Variants in MPPED2 observed in about 807,000 individuals in gnomAD.
MPPED2 encodes the protein metallophosphoesterase domain containing 2.
In MPPED2, 5 loss-of-function variants were observed where a neutral mutation model predicts 33.0. The observed-to-expected ratio is 0.15, with a 90% CI of 0.08 to 0.32. The LOEUF is 0.32. MPPED2 is among the 10% of genes least tolerant of loss of function. The probability of loss-of-function intolerance (pLI) is 1.00; values close to 1 mark genes in which losing one functional copy is unlikely to be tolerated. For missense variants in MPPED2, 275 were observed against 372.1 expected (o/e 0.74, Z 2.15); for synonymous variants, 136 against 141.9 (o/e 0.96, Z 0.29).
At chr11:30,487,203 C>T (rs1246938985) in intron 4 of MPPED2, among the ~76,000 whole-genome samples, 1 of 152,210 alleles carries the variant, frequency 6.6e-6, no homozygotes, top group Non-Finnish European at 1.5e-5. Context: ...AATGAAAGAA[C>T]ACCCAGCAGC....
At chr11:30,472,210 A>G (rs1371723476) in intron 4 of MPPED2, among the ~76,000 whole-genome samples, 2 of 152,052 alleles carry the variant, frequency 1.3e-5, no homozygotes, top group African/African-American at 4.8e-5. Context: ...AAAACTAAAA[A>G]ACCAGCCAGA....
intron 4 of MPPED2, among the ~76,000 whole-genome samples, chr11:30,484,895 T>C (rs1053957942): frequency 3.3e-5 from 5 of 152,218 alleles, no homozygotes; most frequent in African/African-American, 1.2e-4. Flanking sequence ...AGCATTTTCC[T>C]AGACTAAGTT....
At chr11:30,417,661 C>T (rs752430980) in intron 4 of MPPED2, 28 bp from the exon 5 acceptor site, 1 of 1,340,242 alleles carries the variant, frequency 7.5e-7, no homozygotes, top group East Asian at 2.3e-5. Flanking sequence ...CACATGGTAT[C>T]AGGCCAGCAG....
At chr11:30,505,814 T>C (rs2134271379) in intron 3 of MPPED2, among the ~76,000 whole-genome samples, 1 of 151,690 alleles carries the variant, frequency 6.6e-6, no homozygotes, top group Admixed American at 6.6e-5. Context: ...GTGTGGACTT[T>C]GGAGTCAGAC....
Position 30,566,295 on chromosome 11 carries a change from C to T in MPPED2, c.128+13951G>A, listed in dbSNP as rs141049435. Among the ~76,000 whole-genome samples, 596 of 152,222 alleles carry T rather than the reference C, an allele frequency of 3.9e-3. 2 individuals carry two copies. Among genetic ancestry groups the T allele is most frequent in the African/African-American group, 0.012 (485 of 41,542 alleles). ...AAAACAATATACTTTCCGATGCCTC[C>T]ATTTTAAAATTAAAGAACAATATAG... is the stretch of plus-strand genomic sequence containing the variant. On this transcript the variant is annotated intron_variant, in intron 2 of 6. Transcript: ENST00000358117.
intron 2 of MPPED2, among the ~76,000 whole-genome samples, chr11:30,552,869 C>A (rs1014590738): frequency 6.6e-6 from 1 of 152,174 alleles, no homozygotes; most frequent in Non-Finnish European, 1.5e-5. Context: ...AGGTACATCA[C>A]TTTTCACGAT....
Position 30,583,445 on chromosome 11 carries a change from G to A in MPPED2, c.-122+2597C>T, listed in dbSNP as rs117353214. 3.2e-4 allele frequency among the ~76,000 whole-genome samples: 49 copies of A among 152,110 alleles called. No homozygotes were observed. The East Asian group carries it at 7.3e-3, about 23-fold the overall frequency. ...ACTTTCCACAAAACAAAGGAACCCA[G>A]GACGAAATATCAAGAAGCCGAAAGA... On this transcript the variant is annotated intron_variant, in intron 1 of 6. Coordinates refer to ENST00000358117, the MANE Select transcript of MPPED2 (RefSeq NM_001584.3).
chr11:30,387,980 GC>G (rs1258606714), exon 7 of MPPED2: 1 of 152,178 alleles, frequency 6.6e-6, no homozygotes, highest in Non-Finnish European at 1.5e-5. Context: ...CCAGCTGGAA[GC>G]CGCCCGTAAT....
At chr11:30,448,142 G>A (rs1282085943) in intron 4 of MPPED2, among the ~76,000 whole-genome samples, 1 of 152,176 alleles carries the variant, frequency 6.6e-6, no homozygotes, top group Non-Finnish European at 1.5e-5. Context: ...GGGAGAATGA[G>A]TCAAATCACA....
At chr11:30,526,899 AT>A (rs1288840053) in intron 3 of MPPED2, among the ~76,000 whole-genome samples, 1 of 151,166 alleles carries the variant, frequency 6.6e-6, no homozygotes, top group Non-Finnish European at 1.5e-5. Flanking sequence ...ATTTTTTTTT[AT>A]TTTTTTAATT....
At position 30,492,705 on chromosome 11, in the gene MPPED2, G is replaced by A. The variant is rs376475304; in HGVS notation, c.536+2591C>T. 8.1e-3 allele frequency among the ~76,000 whole-genome samples: 529 copies of A among 65,688 alleles called. 8 individuals carry two copies. The highest frequency in any genetic ancestry group is 0.071 in the African/African-American group (491 of 6,908). 43.1% of individuals were successfully genotyped at this position (65,688 alleles called of 152,430 possible). A position where few individuals can be genotyped will look rare whatever the true frequency, so the allele number is the denominator to read the frequency against. On this transcript the variant is annotated intron_variant, in intron 4 of 6. Transcript: ENST00000358117. ...TCACACATTAAAAAAATAAATTGACGTACCTTACTAAATAAAGCTAGGTAT... is the reference window on the plus strand; with the variant it reads ...TCACACATTAAAAAAATAAATTGACATACCTTACTAAATAAAGCTAGGTAT...
intron 2 of MPPED2, among the ~76,000 whole-genome samples, chr11:30,554,799 C>T (rs530516924): frequency 6.6e-6 from 1 of 152,220 alleles, no homozygotes; most frequent in East Asian, 1.9e-4. Context: ...CCAGCCTGCA[C>T]CACATTTTCT....
In MPPED2 at chr11:30,521,351, C is replaced by T. The variant is rs192207504; in HGVS notation, c.310+14643G>A. Among the ~76,000 whole-genome samples, 26 of 152,272 alleles carry T rather than the reference C, an allele frequency of 1.7e-4. 1 individual carries two copies. Among genetic ancestry groups the T allele is most frequent in the Admixed American group, 1.6e-3 (25 of 15,294 alleles). On this transcript the variant is annotated intron_variant, in intron 3 of 6. Coordinates refer to ENST00000358117, the MANE Select transcript of MPPED2 (RefSeq NM_001584.3). Reference sequence around the variant, plus strand: ...CACCAGCCCCATTTAGGCTAAATTACGAAAGCTTGCTAATCAAACGCCTTT... The same window carrying T: ...CACCAGCCCCATTTAGGCTAAATTATGAAAGCTTGCTAATCAAACGCCTTT...
chr11:30,421,071 T>C (rs1285789146), intron 4 of MPPED2, among the ~76,000 whole-genome samples: 1 of 152,152 alleles, frequency 6.6e-6, no homozygotes, highest in African/African-American at 2.4e-5. Flanking sequence ...AAAGAAGGAT[T>C]TTAACAAGTC....
intron 4 of MPPED2, among the ~76,000 whole-genome samples, chr11:30,489,434 T>C (rs1951877500): frequency 6.6e-6 from 1 of 152,182 alleles, no homozygotes; most frequent in Non-Finnish European, 1.5e-5. Flanking sequence ...CTGAGAAAAT[T>C]ACATCTAAAT....
chr11:30,553,969 A>G (rs77382008), intron 2 of MPPED2, among the ~76,000 whole-genome samples: 6,469 of 152,306 alleles, frequency 0.042, 206 homozygotes, highest in Non-Finnish European at 0.06. Context: ...TTAAGAACCT[A>G]GGACTATTGC....
At position 30,583,134 on chromosome 11, in the gene MPPED2, C is replaced by CTTTTTTTT. The variant is rs199611856; in HGVS notation, c.-121-2648_-121-2641dup. ...CACAAACACCTGGAAAAGACTTTTTCTTTTTTTTTTTTTTTTTTTTTTTTT... is the reference window on the plus strand; with the variant it reads ...CACAAACACCTGGAAAAGACTTTTTCTTTTTTTTTTTTTTTTTTTTTTTTTTTTTTTTT... On this transcript the variant is annotated intron_variant, in intron 1 of 6. Transcript: ENST00000358117. Among the ~76,000 whole-genome samples, 413 of 96,586 alleles carry CTTTTTTTT rather than the reference C, an allele frequency of 4.3e-3. 23 individuals are homozygous for CTTTTTTTT. Among genetic ancestry groups the CTTTTTTTT allele is most frequent in the Middle Eastern group, 0.012 (2 of 168 alleles). 63.4% of individuals were successfully genotyped at this position (96,586 alleles called of 152,430 possible).
chr11:30,433,651 C>T (rs1196420584), intron 4 of MPPED2, among the ~76,000 whole-genome samples: 1 of 152,120 alleles, frequency 6.6e-6, no homozygotes. Context: ...TCACATTGGT[C>T]CCTCGCTATC....
At chr11:30,401,977 G>A (rs1590159640) in intron 6 of MPPED2, among the ~76,000 whole-genome samples, 1 of 151,932 alleles carries the variant, frequency 6.6e-6, no homozygotes, top group Non-Finnish European at 1.5e-5. Context: ...GATTACAGAC[G>A]TGAGCCACCG....
Sources: allele counts gnomAD v4.1 joint callset (sites outside exome capture counted in the v4.1 genomes callset), GRCh38; gene constraint gnomAD v4.1.1; transcripts MANE v1.5; gene names NCBI Gene and HGNC (gene_info 2026-07-23, HGNC 2026-07-21).